TDRD15: variants seen among roughly 807,000 people sequenced by gnomAD.
TDRD15 encodes the protein tudor domain containing 15, also known as tudor domain-containing protein 15.
For synonymous variants in TDRD15, 503 were observed against 314.5 expected, an observed-to-expected ratio of 1.60 and a Z score of -6.34; for missense variants, 1,416 against 904.7, an observed-to-expected ratio of 1.57 and a Z score of -7.25.
intron 2 of TDRD15, among the ~76,000 whole-genome samples, chr2:21,128,569 A>G (rs1463676584): frequency 1.3e-5 from 2 of 151,250 alleles, no homozygotes; most frequent in Non-Finnish European, 3.0e-5. Flanking sequence ...CAATCCACCC[A>G]CCTCAGCCTC....
At position 21,143,887 on chromosome 2, in the gene TDRD15, T is replaced by A. The variant is rs1437355244; in HGVS notation, c.*615T>A. ...TCTTTACATTTTTTGAATGGTGAAG[T>A]TTTTAGAATGTAGTGAAAGATTTTA... On this transcript the variant is annotated 3_prime_UTR_variant, in exon 4 of 4. Coordinates refer to ENST00000405799, the MANE Select transcript of TDRD15 (RefSeq NM_001306137.2). Among the ~76,000 whole-genome samples the A allele has an allele frequency of 1.3e-5, 2 of 151,640 alleles. No individual in the cohort carries two copies. Among genetic ancestry groups the A allele is most frequent in the Non-Finnish European group, 3.0e-5 (2 of 67,698 alleles).
chr2:21,138,509 C>T lies in TDRD15; in HGVS notation c.1042C>T (p.Pro348Ser). The T allele has an allele frequency of 2.8e-6, 2 of 715,920 alleles. No individual in the cohort carries two copies. The highest frequency in any genetic ancestry group is 2.6e-6 in the Non-Finnish European group (1 of 384,258). The allele number at this position is 715,920 out of a possible 1,614,324, so 44.3% of individuals were successfully genotyped here. Residue 348 changes from proline (P) to serine (S), a missense_variant, in exon 4 of 4, where the codon CCA becomes TCA. By Grantham distance (74) the Pro-to-Ser change is moderately conservative. Transcript: ENST00000405799. ...ACTTAAACAGGATTTTATTTTAGTA[C>T]CATTATTTTCATTTCCATGTTCTCT... ...KKLKQDFILV[P>S]LFSFPCSLTC...
chr2:21,146,991 G>C (rs1177423149), downstream of TDRD15, among the ~76,000 whole-genome samples: 1 of 152,058 alleles, frequency 6.6e-6, no homozygotes, highest in Non-Finnish European at 1.5e-5. Context: ...GTTTCTTCTT[G>C]TGTAAAATGG....
At chr2:21,128,326 ATTTTT>A (rs376183503) in intron 2 of TDRD15, among the ~76,000 whole-genome samples, 3 of 140,834 alleles carry the variant, frequency 2.1e-5, no homozygotes, top group African/African-American at 7.9e-5. Flanking sequence ...TATTCATATA[ATTTTT>A]TTTTTTTTTG....
At chr2:21,130,568 T>A (rs1044116631) in intron 2 of TDRD15, among the ~76,000 whole-genome samples, 1 of 152,198 alleles carries the variant, frequency 6.6e-6, no homozygotes, top group African/African-American at 2.4e-5. Context: ...TTGTGTATAT[T>A]GTGTGAGGTC....
chr2:21,138,019 T>G lies in TDRD15; in HGVS notation c.552T>G (p.Leu184=). 1 of 716,514 alleles carries G rather than the reference T, an allele frequency of 1.4e-6. No individual in the cohort carries two copies. The highest frequency in any genetic ancestry group is 2.6e-6 in the Non-Finnish European group (1 of 384,486). The allele number at this position is 716,514 out of a possible 1,614,324, so 44.4% of individuals were successfully genotyped here. A position where few individuals can be genotyped will look rare whatever the true frequency, so the allele number is the denominator to read the frequency against. Residue 184 remains leucine, a synonymous_variant, in exon 4 of 4, where the codon CTT becomes CTG. Transcript: ENST00000405799. ...CTCTCGAGTTACAATTAGGAAGACT[T>G]GTTGATGGAGATTCATTTCGTCTTA... ...SQALELQLGR[L]VDGDSFRLIV...
intron 3 of TDRD15, among the ~76,000 whole-genome samples, chr2:21,135,624 T>C (rs745457604): frequency 1.3e-5 from 2 of 152,064 alleles, no homozygotes; most frequent in Non-Finnish European, 1.5e-5. Flanking sequence ...AGCAATTTCT[T>C]CTTTAGGCAA....
chr2:21,132,944 C>G (rs1012661108), intron 2 of TDRD15, among the ~76,000 whole-genome samples: 9 of 152,150 alleles, frequency 5.9e-5, no homozygotes, highest in Admixed American at 5.2e-4. Context: ...TCAGCGGCAT[C>G]CCTGGCTTCT....
At position 21,140,532 on chromosome 2, in the gene TDRD15, A is replaced by G. The variant is rs1364311698; in HGVS notation, c.3065A>G (p.Tyr1022Cys). ...SNKMRVCISKYVEDGLSYRAL... is the reference protein window; with the variant it reads ...SNKMRVCISKCVEDGLSYRAL... ...AAAATGAGAGTGTGCATATCTAAGT[A>G]TGTAGAGGATGGTCTCTCATACAGA... is the stretch of plus-strand genomic sequence containing the variant. Residue 1022 changes from tyrosine (Y) to cysteine (C), a missense_variant, in exon 4 of 4, where the codon TAT becomes TGT. Coordinates refer to ENST00000405799, the MANE Select transcript of TDRD15 (RefSeq NM_001306137.2). 1.4e-6 allele frequency: 1 copy of G among 698,816 alleles called. No homozygotes were observed. Among genetic ancestry groups the G allele is most frequent in the Non-Finnish European group, 2.6e-6 (1 of 378,490 alleles). The allele number at this position is 698,816 out of a possible 1,614,324, so 43.3% of individuals were successfully genotyped here.
Position 21,138,006 on chromosome 2 carries a change from A to C in TDRD15, c.539A>C (p.Gln180Pro), listed in dbSNP as rs1363938166. ...PKIISQALEL[Q>P]LGRLVDGDSF... Reference sequence around the variant, plus strand: ...ATTATATCTCAGGCTCTCGAGTTACAATTAGGAAGACTTGTTGATGGAGAT... The same window carrying C: ...ATTATATCTCAGGCTCTCGAGTTACCATTAGGAAGACTTGTTGATGGAGAT... The change falls in exon 4 of 4, where the codon CAA becomes CCA. Residue 180 changes from glutamine (Q) to proline (P), a missense_variant. By Grantham distance (76) the Gln-to-Pro change is moderately conservative. Transcript: ENST00000405799. The C allele has an allele frequency of 1.4e-6, 1 of 716,702 alleles. No individual in the cohort carries two copies. Among genetic ancestry groups the C allele is most frequent in the East Asian group, 2.7e-5 (1 of 37,268 alleles). The allele number at this position is 716,702 out of a possible 1,614,324, so 44.4% of individuals were successfully genotyped here. A position where few individuals can be genotyped will look rare whatever the true frequency, so the allele number is the denominator to read the frequency against.
downstream of TDRD15, among the ~76,000 whole-genome samples, chr2:21,145,480 A>G (rs953264881): frequency 1.3e-5 from 2 of 151,772 alleles, no homozygotes; most frequent in African/African-American, 4.8e-5. Flanking sequence ...CCCTGCTTCT[A>G]TCTTATAGCA....
In TDRD15 at chr2:21,138,937, T is replaced by C; in HGVS notation, c.1470T>C (p.Tyr490=). ...IEAAYIAFIA[Y]VLNPSNFWVR... ...CTGCCTACATAGCTTTTATAGCATA[T>C]GTATTAAACCCATCAAATTTCTGGG... The change falls in exon 4 of 4, where the codon TAT becomes TAC. Residue 490 remains tyrosine, a synonymous_variant. Transcript: ENST00000405799. 1 of 714,282 alleles carries C rather than the reference T, an allele frequency of 1.4e-6. No homozygotes were observed. Among genetic ancestry groups the C allele is most frequent in the African/African-American group, 1.8e-5 (1 of 57,072 alleles). The allele number at this position is 714,282 out of a possible 1,614,324, so 44.2% of individuals were successfully genotyped here.
chr2:21,147,041 ATAAAT>A (rs1666040696), downstream of TDRD15, among the ~76,000 whole-genome samples: 1 of 152,140 alleles, frequency 6.6e-6, no homozygotes, highest in East Asian at 1.9e-4. Context: ...GGTTGTGAAG[ATAAAT>A]TAAAACATGT....
chr2:21,136,872 G>A (rs1251783986), intron 3 of TDRD15, among the ~76,000 whole-genome samples: 1 of 151,966 alleles, frequency 6.6e-6, no homozygotes, highest in Non-Finnish European at 1.5e-5. Context: ...TCCCTTAGTG[G>A]TGTCCAGGTC....
chr2:21,139,124 A>G lies in TDRD15; in HGVS notation c.1657A>G (p.Ile553Val). The change falls in exon 4 of 4, where the codon ATC (isoleucine) becomes GTC (valine). Residue 553 changes from isoleucine (I) to valine (V), a missense_variant. Coordinates refer to ENST00000405799, the MANE Select transcript of TDRD15 (RefSeq NM_001306137.2). Reference sequence around the variant, plus strand: ...GGACAGACGTTTTTACAGAGCTGTCATCACTGAAATTAATGGTTATAAGAT... The same window carrying G: ...GGACAGACGTTTTTACAGAGCTGTCGTCACTGAAATTAATGGTTATAAGAT... Reference protein sequence around the residue: ...SKDRRFYRAVITEINGYKINV... With the variant: ...SKDRRFYRAVVTEINGYKINV... 1.4e-6 allele frequency: 1 copy of G among 713,736 alleles called. No individual in the cohort carries two copies. 44.2% of individuals were successfully genotyped at this position (713,736 alleles called of 1,614,324 possible). A position where few individuals can be genotyped will look rare whatever the true frequency, so the allele number is the denominator to read the frequency against.
chr2:21,143,250 A>G lies in TDRD15; in HGVS notation c.5783A>G (p.Glu1928Gly). 1.7e-6 allele frequency: 1 copy of G among 606,022 alleles called. No individual in the cohort carries two copies. The highest frequency in any genetic ancestry group is 3.0e-6 in the Non-Finnish European group (1 of 335,182). 37.5% of individuals were successfully genotyped at this position (606,022 alleles called of 1,614,324 possible). Residue 1928 changes from glutamate to glycine, a missense_variant, in exon 4 of 4, where the codon GAA (glutamate) becomes GGA (glycine). Coordinates refer to ENST00000405799, the MANE Select transcript of TDRD15 (RefSeq NM_001306137.2). The part of the protein sequence containing the change: ...SPHLDAITAT[E>G]SAKNPI Reference sequence around the variant, plus strand: ...CATCTTGATGCAATTACTGCTACTGAATCTGCTAAAAATCCAATATAAATT... The same window carrying G: ...CATCTTGATGCAATTACTGCTACTGGATCTGCTAAAAATCCAATATAAATT...
intron 2 of TDRD15, among the ~76,000 whole-genome samples, chr2:21,129,800 G>T (rs1665130711): frequency 6.6e-6 from 1 of 152,064 alleles, no homozygotes; most frequent in Admixed American, 6.5e-5. Flanking sequence ...TATGTTTTCT[G>T]TTCCTTATAG....
At chr2:21,145,971 G>C (rs1308851994), downstream of TDRD15, among the ~76,000 whole-genome samples, 2 of 151,810 alleles carry the variant, frequency 1.3e-5, no homozygotes, top group Non-Finnish European at 1.5e-5. Flanking sequence ...CTGACGCCTG[G>C]GTCCCTATTA....
In TDRD15 at chr2:21,138,779, A is replaced by G; in HGVS notation, c.1312A>G (p.Ser438Gly). The part of the protein sequence containing the change: ...SKISNILSET[S>G]VSDVNSFAVE... ...AATCTCCAATATCTTGAGTGAGACA[A>G]GTGTGTCTGATGTAAACAGCTTTGC... is the stretch of plus-strand genomic sequence containing the variant. The change falls in exon 4 of 4, where the codon AGT (serine) becomes GGT (glycine). Residue 438 changes from serine to glycine, a missense_variant. Ser to Gly is a moderately conservative substitution (Grantham distance 56). Transcript: ENST00000405799. The G allele has an allele frequency of 1.4e-6, 1 of 715,330 alleles. No individual in the cohort carries two copies. The highest frequency in any genetic ancestry group is 1.5e-5 in the South Asian group (1 of 67,356). 44.3% of individuals were successfully genotyped at this position (715,330 alleles called of 1,614,324 possible). A position where few individuals can be genotyped will look rare whatever the true frequency, so the allele number is the denominator to read the frequency against.
Sources: gnomAD v4.1 joint callset for allele counts (sites outside exome capture counted in the v4.1 genomes callset) on GRCh38, gnomAD v4.1.1 for gene constraint, MANE v1.5 for transcripts, NCBI Gene and HGNC (gene_info 2026-07-23, HGNC 2026-07-21) for gene names.